Variants in EYS observed in about 807,000 individuals in gnomAD.
The protein encoded by EYS is protein eyes shut homolog.
In EYS, 250 loss-of-function variants were observed where a neutral mutation model predicts 282.1. The observed-to-expected ratio is 0.89, with a 90% CI of 0.80 to 0.98. The LOEUF (loss-of-function observed/expected upper bound fraction) is 0.98, where lower values mean the gene tolerates loss of function less well. Ranked by LOEUF, EYS falls within the 50% of genes least tolerant of loss-of-function variation. The probability of loss-of-function intolerance (pLI) is 0.00; values close to 1 mark genes in which losing one functional copy is unlikely to be tolerated. For synonymous variants in EYS, 1,355 were observed against 1,282.9 expected (o/e 1.06, Z -1.20); for missense variants, 4,016 against 3,709.0 (o/e 1.08, Z -2.15).
At chr6:63,734,501 C>G (rs911398604) in intron 41 of EYS, among the ~76,000 whole-genome samples, 2 of 152,024 alleles carry the variant, frequency 1.3e-5, no homozygotes, top group African/African-American at 4.8e-5. Flanking sequence ...ACAGGGCACT[C>G]CCTATCAAGA....
chr6:64,969,420 T>A (rs892692314), intron 14 of EYS, among the ~76,000 whole-genome samples: 4 of 152,176 alleles, frequency 2.6e-5, no homozygotes, highest in African/African-American at 9.7e-5. Flanking sequence ...TTGCTGGGTA[T>A]CATTAAGGCA....
At chr6:64,904,548 A>G (rs1185786390) in intron 16 of EYS, among the ~76,000 whole-genome samples, 1 of 152,190 alleles carries the variant, frequency 6.6e-6, no homozygotes, top group Non-Finnish European at 1.5e-5. Context: ...TAAGTATTTG[A>G]TTGAGGTTAG....
intron 12 of EYS, among the ~76,000 whole-genome samples, chr6:65,091,434 A>T (rs1319492064): frequency 6.9e-6 from 1 of 145,382 alleles, no homozygotes; most frequent in African/African-American, 2.6e-5. Flanking sequence ...TGGGTGAGAG[A>T]GCGAGACTAC....
intron 41 of EYS, among the ~76,000 whole-genome samples, chr6:63,732,144 TA>T (rs1254989814): frequency 6.6e-6 from 1 of 151,926 alleles, no homozygotes; most frequent in Non-Finnish European, 1.5e-5. Context: ...GAGCGTATCA[TA>T]AAACAGCTGA....
chr6:64,095,584 G>T (rs575722333), intron 31 of EYS, among the ~76,000 whole-genome samples: 80 of 151,760 alleles, frequency 5.3e-4, no homozygotes, highest in African/African-American at 1.4e-3. Context: ...AACCCCTGCC[G>T]TTTTTTGTTT....
At chr6:64,367,717 C>T (rs530397758) in intron 29 of EYS, among the ~76,000 whole-genome samples, 5 of 152,036 alleles carry the variant, frequency 3.3e-5, no homozygotes, top group South Asian at 2.1e-4. Context: ...GAATTCAGAG[C>T]GGCTGCATTG....
intron 35 of EYS, among the ~76,000 whole-genome samples, chr6:63,927,788 A>G (rs771178681): frequency 2.8e-4 from 42 of 152,322 alleles, no homozygotes; most frequent in Middle Eastern, 3.4e-3. Context: ...CGGATACTTT[A>G]AGCTACTGAA....
At chr6:65,374,223 G>T (rs1430013935) in intron 8 of EYS, among the ~76,000 whole-genome samples, 3 of 152,080 alleles carry the variant, frequency 2.0e-5, no homozygotes, top group African/African-American at 7.2e-5. Context: ...GGCAGTGAGT[G>T]CGGCCCACCA....
chr6:65,325,300 C>G (rs1457589047), intron 11 of EYS, among the ~76,000 whole-genome samples: 1 of 152,072 alleles, frequency 6.6e-6, no homozygotes, highest in Non-Finnish European at 1.5e-5. Context: ...AGGATAGAGA[C>G]AGCAAATCAA....
chr6:65,263,703 CTGTGTGTGTGTG>C (rs3042394), intron 12 of EYS, among the ~76,000 whole-genome samples: 16 of 141,408 alleles, frequency 1.1e-4, no homozygotes, highest in Admixed American at 2.1e-4. Context: ...CAAGGCAAAG[CTGTGTGTGTGTG>C]TGTGTGTGTG....
At chr6:64,090,138 G>T (rs1214483362) in intron 31 of EYS, among the ~76,000 whole-genome samples, 1 of 152,066 alleles carries the variant, frequency 6.6e-6, no homozygotes, top group African/African-American at 2.4e-5. Flanking sequence ...GACAAGAAAG[G>T]TATGAAAAAC....
chr6:64,135,767 T>G (rs1373796533), intron 31 of EYS, among the ~76,000 whole-genome samples: 1 of 152,134 alleles, frequency 6.6e-6, no homozygotes. Context: ...ATGCCTTAAT[T>G]TGAAAATATT....
intron 13 of EYS, among the ~76,000 whole-genome samples, chr6:65,002,666 T>A (rs1234841439): frequency 6.8e-6 from 1 of 147,776 alleles, no homozygotes; most frequent in Non-Finnish European, 1.5e-5. Context: ...AAATGAGGTT[T>A]TATATGTAAT....
chr6:64,310,627 C>CT (rs1769656238), intron 29 of EYS, among the ~76,000 whole-genome samples: 1 of 152,192 alleles, frequency 6.6e-6, no homozygotes, highest in South Asian at 2.1e-4. Flanking sequence ...GGAAAAGTAA[C>CT]TAATATGTAC....
chr6:64,561,954 G>A (rs1171324132), intron 26 of EYS, among the ~76,000 whole-genome samples: 9 of 131,848 alleles, frequency 6.8e-5, no homozygotes, highest in South Asian at 4.8e-4. Context: ...CCAATCCTAA[G>A]CAAAAAGAAC....
At chr6:64,773,577 C>T (rs1773589791) in intron 22 of EYS, among the ~76,000 whole-genome samples, 1 of 151,812 alleles carries the variant, frequency 6.6e-6, no homozygotes, top group Non-Finnish European at 1.5e-5. Context: ...GGGTGAACTA[C>T]ATTACATTCC....
intron 13 of EYS, among the ~76,000 whole-genome samples, chr6:65,043,803 A>T (rs1166540849): frequency 7.3e-5 from 11 of 151,570 alleles, no homozygotes; most frequent in Non-Finnish European, 1.5e-4. Context: ...ACTTAGGTTG[A>T]TTCCATCTCC....
chr6:64,457,595 T>G (rs929591325), intron 26 of EYS, among the ~76,000 whole-genome samples: 2 of 152,084 alleles, frequency 1.3e-5, no homozygotes, highest in Non-Finnish European at 2.9e-5. Flanking sequence ...GACCACTTTA[T>G]CATACTATAG....
At chr6:65,215,292 G>C (rs981786527) in intron 12 of EYS, among the ~76,000 whole-genome samples, 4 of 151,996 alleles carry the variant, frequency 2.6e-5, no homozygotes, top group African/African-American at 9.7e-5. Context: ...ATTAACAGGA[G>C]TTTAAAAGAG....
Sources: allele counts gnomAD v4.1 joint callset (sites outside exome capture counted in the v4.1 genomes callset), GRCh38; gene constraint gnomAD v4.1.1; transcripts MANE v1.5; gene names NCBI Gene and HGNC (gene_info 2026-07-23, HGNC 2026-07-21).